Variants in CREBBP observed in about 807,000 individuals in gnomAD.
CREBBP encodes the protein CREB binding lysine acetyltransferase, also known as CREB-binding protein.
CREBBP carries 19 observed loss-of-function variants against 265.0 expected under a neutral mutation model. That is an observed-to-expected ratio of 0.07 (90% CI 0.05 to 0.11). The LOEUF is 0.11. Among genes scored for constraint, CREBBP ranks in the 10% least tolerant of loss-of-function variants. The pLI is 1.00. For synonymous variants in CREBBP, 1,457 were observed against 1,223.7 expected, an observed-to-expected ratio of 1.19 and a Z score of -3.98; for missense variants, 2,525 against 3,219.0, an observed-to-expected ratio of 0.78 and a Z score of 5.22.
Position 3,767,914 on chromosome 16 carries a change from A to G in CREBBP, c.3061-5T>C, listed in dbSNP as rs2141184046. The G allele has an allele frequency of 1.2e-6, 2 of 1,613,820 alleles. No individual in the cohort carries two copies. The highest frequency in any genetic ancestry group is 4.5e-5 in the East Asian group (2 of 44,860). ...TTGCAAATCCTCCTCCATCATCTTG[A>G]GAAAAACATTACAGATAACATATGA... On this transcript the variant is annotated splice_region_variant and splice_polypyrimidine_tract_variant and intron_variant, in intron 15 of 30. Transcript: ENST00000262367.
chr16:3,847,517 T>C (rs545494761), intron 2 of CREBBP, among the ~76,000 whole-genome samples: 2 of 152,274 alleles, frequency 1.3e-5, no homozygotes, highest in South Asian at 2.1e-4. Context: ...ATGCACTCTA[T>C]CCACCTCTAG....
At chr16:3,849,448 T>C (rs1567360661) in intron 2 of CREBBP, among the ~76,000 whole-genome samples, 5 of 50,390 alleles carry the variant, frequency 9.9e-5, no homozygotes, top group African/African-American at 2.5e-4. Context: ...TGTGTGTGTG[T>C]GTGTGTGTGT....
chr16:3,833,490 A>G (rs972946530), intron 2 of CREBBP, among the ~76,000 whole-genome samples: 2 of 152,194 alleles, frequency 1.3e-5, no homozygotes, highest in Non-Finnish European at 2.9e-5. Context: ...AAATGAATAA[A>G]ATGCATACAG....
intron 2 of CREBBP, among the ~76,000 whole-genome samples, chr16:3,827,416 G>A (rs2054258479): frequency 6.6e-6 from 1 of 152,098 alleles, no homozygotes; most frequent in Non-Finnish European, 1.5e-5. Flanking sequence ...GACTGAGACA[G>A]AGTCTCACTC....
At chr16:3,788,679 G>A (rs1004676336) in intron 5 of CREBBP, among the ~76,000 whole-genome samples, 2 of 152,222 alleles carry the variant, frequency 1.3e-5, no homozygotes, top group South Asian at 2.1e-4. Context: ...GGCCAGGCGC[G>A]GTGGCTCACG....
chr16:3,875,879 A>T (rs2055389726), intron 1 of CREBBP, among the ~76,000 whole-genome samples: 1 of 152,186 alleles, frequency 6.6e-6, no homozygotes, highest in Non-Finnish European at 1.5e-5. Flanking sequence ...ATAACAGACC[A>T]TTTGGTTGAC....
chr16:3,850,631 G>A lies in CREBBP; in HGVS notation c.464C>T (p.Ala155Val), dbSNP rs999522990. The A allele has an allele frequency of 1.2e-6, 2 of 1,614,116 alleles. No homozygotes were observed. Among genetic ancestry groups the A allele is most frequent in the African/African-American group, 1.3e-5 (1 of 74,932 alleles). Residue 155 changes from alanine to valine, a missense_variant, in exon 2 of 31, where the codon GCA becomes GTA. Coordinates refer to ENST00000262367, the MANE Select transcript of CREBBP (RefSeq NM_004380.3). ...PAASQALNPQ[A>V]QKQVGLATSS... ...AGTCGCCAGCCCCACTTGCTTTTGT[G>A]CTTGCGGATTCAGTGCTTGGGAGGC...
At chr16:3,791,623 C>A (rs909484201) in intron 5 of CREBBP, among the ~76,000 whole-genome samples, 3 of 152,140 alleles carry the variant, frequency 2.0e-5, no homozygotes, top group Non-Finnish European at 4.4e-5. Flanking sequence ...GCCATTATAG[C>A]GACATGGAAT....
In CREBBP at chr16:3,728,959, G is replaced by T; in HGVS notation, c.6088C>A (p.Gln2030Lys). Reference sequence around the variant, plus strand: ...GGCCTGGGCAAGCCTGGCATGGGCTGCTGCTGGGGAAGGGGCGCCTGCTGC... The same window carrying T: ...GGCCTGGGCAAGCCTGGCATGGGCTTCTGCTGGGGAAGGGGCGCCTGCTGC... ...QWQQAPLPQQ[Q>K]PMPGLPRPVI... The change falls in exon 31 of 31, where the codon CAG becomes AAG. Residue 2030 changes from glutamine to lysine, a missense_variant. Around this residue, in one of 19 missense-constraint regions of CREBBP, gnomAD observed 275 missense variants for 276.5 expected, o/e 0.99. Transcript: ENST00000262367. The surrounding 1 kb of genome is among the most constrained non-coding windows in gnomAD (Gnocchi z 8.7). 6.3e-7 allele frequency: 1 copy of T among 1,598,392 alleles called. No individual in the cohort carries two copies.
intron 2 of CREBBP, among the ~76,000 whole-genome samples, chr16:3,836,292 G>A (rs1044396754): frequency 6.6e-6 from 1 of 152,036 alleles, no homozygotes; most frequent in East Asian, 1.9e-4. Context: ...AAGCCAGCTG[G>A]GCATGGTGGT....
At position 3,725,845 on chromosome 16, in the gene CREBBP, C is replaced by G. The variant is rs558078722; in HGVS notation, c.*1873G>C. ...ATTTCTAAAATTACCATCACCCCCA[C>G]CTAGACCAGCCTTTGTTGGGGGACT... On this transcript the variant is annotated 3_prime_UTR_variant, in exon 31 of 31. Transcript: ENST00000262367. 4.3e-6 allele frequency: 1 copy of G among 233,198 alleles called. No individual in the cohort carries two copies. Among genetic ancestry groups the G allele is most frequent in the South Asian group, 1.8e-4 (1 of 5,530 alleles). The allele number at this position is 233,198 out of a possible 1,614,324, so 14.4% of individuals were successfully genotyped here.
chr16:3,726,627 G>A lies in CREBBP; in HGVS notation c.*1091C>T. On this transcript the variant is annotated 3_prime_UTR_variant, in exon 31 of 31. Coordinates refer to ENST00000262367, the MANE Select transcript of CREBBP (RefSeq NM_004380.3). ...ATAAAAACCTTAAACATTCTTACAG[G>A]GATCTTAAAGAACAGAATACATGTT... 4.3e-6 allele frequency: 1 copy of A among 233,428 alleles called. No homozygotes were observed. The highest frequency in any genetic ancestry group is 8.5e-6 in the Non-Finnish European group (1 of 118,004). 14.5% of individuals were successfully genotyped at this position (233,428 alleles called of 1,614,324 possible).
chr16:3,814,973 C>T (rs1002596134), intron 2 of CREBBP, among the ~76,000 whole-genome samples: 6 of 152,212 alleles, frequency 3.9e-5, no homozygotes, highest in Non-Finnish European at 8.8e-5. Context: ...GGCAAGGCTA[C>T]CTCCTGGTGC....
At chr16:3,735,775 C>T (rs2052040130) in intron 28 of CREBBP, among the ~76,000 whole-genome samples, 2 of 152,192 alleles carry the variant, frequency 1.3e-5, no homozygotes, top group African/African-American at 2.4e-5. Context: ...CCTGACTGCC[C>T]CATGTCCCAT....
chr16:3,779,335 T>C (rs1195605920), intron 8 of CREBBP, among the ~76,000 whole-genome samples: 4 of 152,032 alleles, frequency 2.6e-5, no homozygotes, highest in African/African-American at 9.7e-5. Flanking sequence ...CCACCATGCC[T>C]GGCTAATTTT....
chr16:3,843,519 C>T (rs1447627845), intron 2 of CREBBP, among the ~76,000 whole-genome samples: 1 of 150,560 alleles, frequency 6.6e-6, no homozygotes, highest in Non-Finnish European at 1.5e-5. Flanking sequence ...CTCCTGGGCT[C>T]AAGCAATCCA....
chr16:3,752,736 G>C (rs2052502237), intron 19 of CREBBP, among the ~76,000 whole-genome samples: 2 of 152,184 alleles, frequency 1.3e-5, no homozygotes, highest in African/African-American at 4.8e-5. Context: ...CTTAGCGAAT[G>C]ACTGTTCTGA....
intron 1 of CREBBP, among the ~76,000 whole-genome samples, chr16:3,865,037 C>T (rs186664210): frequency 2.1e-4 from 32 of 151,962 alleles, no homozygotes; most frequent in Non-Finnish European, 3.8e-4. Context: ...CCAGCCTGGG[C>T]GACAAAGCAA....
chr16:3,742,237 G>A (rs2052234467), intron 23 of CREBBP: 1 of 152,282 alleles, frequency 6.6e-6, no homozygotes, highest in African/African-American at 2.4e-5. Context: ...CTAGGCGCAG[G>A]CCGTGCTCAC....
Sources: gnomAD v4.1 joint callset for allele counts (sites outside exome capture counted in the v4.1 genomes callset) on GRCh38, gnomAD v4.1.1 for gene constraint, gnomAD v4.1.1 regional missense constraint, Gnocchi (gnomAD v3.1) non-coding constraint, MANE v1.5 for transcripts, NCBI Gene and HGNC (gene_info 2026-07-23, HGNC 2026-07-21) for gene names.